TAS2R1: variants seen among roughly 807,000 people sequenced by gnomAD.
TAS2R1 encodes the protein taste 2 receptor member 1, also known as taste receptor type 2 member 1.
For missense variants in TAS2R1, 370 were observed against 353.4 expected (o/e 1.05, Z -0.38); for synonymous variants, 141 against 134.2 (o/e 1.05, Z -0.35).
At chr5:9,676,073 A>C (rs546064694) in intron 1 of TAS2R1, among the ~76,000 whole-genome samples, 31 of 152,102 alleles carry the variant, frequency 2.0e-4, no homozygotes, top group South Asian at 1.0e-3. Flanking sequence ...AGGGTGTTAA[A>C]ATTTTGTCAA....
chr5:9,763,853 G>T, the TAS2R1 span, among the ~76,000 whole-genome samples: 1 of 152,206 alleles, frequency 6.6e-6, no homozygotes, highest in Non-Finnish European at 1.5e-5. Context: ...ATGAATTGCT[G>T]TGTGCTCCTA....
chr5:9,898,211 G>A, the TAS2R1 span, among the ~76,000 whole-genome samples: 1 of 152,186 alleles, frequency 6.6e-6, no homozygotes, highest in Non-Finnish European at 1.5e-5. Context: ...ATCCTTAAGT[G>A]TGTCTCCTCC....
chr5:9,815,454 C>T, the TAS2R1 span, among the ~76,000 whole-genome samples: 1 of 152,130 alleles, frequency 6.6e-6, no homozygotes, highest in Non-Finnish European at 1.5e-5. Flanking sequence ...GATGGATAGA[C>T]AACAGATAGA....
At chr5:9,781,592 C>T in the TAS2R1 span, among the ~76,000 whole-genome samples, 1 of 152,330 alleles carries the variant, frequency 6.6e-6, no homozygotes, top group South Asian at 2.1e-4. Flanking sequence ...CCCTTTTCCT[C>T]ACTGACTTAA....
At chr5:9,789,533 G>C in the TAS2R1 span, among the ~76,000 whole-genome samples, 1 of 152,176 alleles carries the variant, frequency 6.6e-6, no homozygotes, top group Non-Finnish European at 1.5e-5. Context: ...ATCACCAATT[G>C]TAAGGCAGAT....
At chr5:9,876,494 C>T in the TAS2R1 span, among the ~76,000 whole-genome samples, 1 of 152,124 alleles carries the variant, frequency 6.6e-6, no homozygotes, top group Admixed American at 6.5e-5. Context: ...TCACAGAAGC[C>T]ACATGAAACA....
the TAS2R1 span, among the ~76,000 whole-genome samples, chr5:9,806,072 C>T: frequency 1.3e-5 from 2 of 152,174 alleles, no homozygotes; most frequent in African/African-American, 4.8e-5. Context: ...AATTAACGCA[C>T]ATAAATCAGT....
At chr5:9,813,567 T>C in the TAS2R1 span, among the ~76,000 whole-genome samples, 1 of 152,154 alleles carries the variant, frequency 6.6e-6, no homozygotes, top group African/African-American at 2.4e-5. Context: ...TGCACCCCTC[T>C]GGACTGTTAC....
chr5:9,871,902 T>C, the TAS2R1 span, among the ~76,000 whole-genome samples: 1 of 152,072 alleles, frequency 6.6e-6, no homozygotes, highest in Admixed American at 6.6e-5. Flanking sequence ...GCAAACACAA[T>C]GATCAAAGGG....
the TAS2R1 span, among the ~76,000 whole-genome samples, chr5:9,897,623 G>A: frequency 6.6e-6 from 1 of 152,192 alleles, no homozygotes. Context: ...AAGTAGGCAT[G>A]TATTATATCT....
At chr5:9,807,385 C>T in the TAS2R1 span, among the ~76,000 whole-genome samples, 1 of 152,176 alleles carries the variant, frequency 6.6e-6, no homozygotes, top group Non-Finnish European at 1.5e-5. Flanking sequence ...TTTGATCCAG[C>T]ATTCCCACTA....
chr5:9,851,828 C>A, the TAS2R1 span, among the ~76,000 whole-genome samples: 1 of 152,198 alleles, frequency 6.6e-6, no homozygotes. Context: ...AGACTTCAAG[C>A]TTTGCTGGTC....
At chr5:9,778,236 C>T in the TAS2R1 span, among the ~76,000 whole-genome samples, 1 of 152,108 alleles carries the variant, frequency 6.6e-6, no homozygotes, top group Non-Finnish European at 1.5e-5. Flanking sequence ...TTCTTTTTTT[C>T]CTAAACAGTA....
chr5:9,675,697 G>A (rs191478368), intron 1 of TAS2R1, among the ~76,000 whole-genome samples: 408 of 152,254 alleles, frequency 2.7e-3, no homozygotes, highest in African/African-American at 4.5e-3. Context: ...TTACAGGCAT[G>A]AGCCACCATG....
the TAS2R1 span, among the ~76,000 whole-genome samples, chr5:9,841,949 C>CGATG: frequency 6.6e-6 from 1 of 152,198 alleles, no homozygotes; most frequent in Non-Finnish European, 1.5e-5. Context: ...ATGCTTACAT[C>CGATG]CATCATGTGC....
At chr5:9,735,712 T>C in the TAS2R1 span, among the ~76,000 whole-genome samples, 2 of 152,236 alleles carry the variant, frequency 1.3e-5, no homozygotes, top group Non-Finnish European at 2.9e-5. Context: ...TAGTAAATTA[T>C]ATACTTACAT....
chr5:9,872,170 C>T, the TAS2R1 span, among the ~76,000 whole-genome samples: 6 of 152,142 alleles, frequency 3.9e-5, no homozygotes, highest in Non-Finnish European at 8.8e-5. Flanking sequence ...AAAATTAAAG[C>T]AAAATATTAT....
the TAS2R1 span, among the ~76,000 whole-genome samples, chr5:9,818,187 A>G: frequency 6.6e-6 from 1 of 152,124 alleles, no homozygotes. Context: ...TCTCATCCAT[A>G]ACTCAGATTT....
the TAS2R1 span, among the ~76,000 whole-genome samples, chr5:9,723,781 A>G: frequency 1.3e-5 from 2 of 152,226 alleles, no homozygotes; most frequent in African/African-American, 2.4e-5. Flanking sequence ...CATGATGACC[A>G]GTTGTGCTGC....
Sources: allele counts gnomAD v4.1 joint callset (sites outside exome capture counted in the v4.1 genomes callset), GRCh38; gene constraint gnomAD v4.1.1; transcripts MANE v1.5; gene names NCBI Gene and HGNC (gene_info 2026-07-23, HGNC 2026-07-21).